Variants in TTC7A observed in about 807,000 individuals in gnomAD.
TTC7A encodes tetratricopeptide repeat domain 7A.
TTC7A carries 110 observed loss-of-function variants against 103.7 expected under a neutral mutation model. The observed-to-expected ratio is 1.06, with a 90% CI of 0.91 to 1.24. TTC7A has a LOEUF of 1.24. Ranked by LOEUF, TTC7A falls within the 50% of genes most tolerant of loss-of-function variation. The pLI, the probability that TTC7A is intolerant of heterozygous loss-of-function variation, is 0.00. For synonymous variants in TTC7A, 521 were observed against 467.9 expected (o/e 1.11, Z -1.47); for missense variants, 1,340 against 1,116.3 (o/e 1.20, Z -2.86).
chr2:46,920,528 A>C (rs1669049168), intron 2 of TTC7A, among the ~76,000 whole-genome samples: 1 of 151,698 alleles, frequency 6.6e-6, no homozygotes, highest in Admixed American at 6.6e-5. Flanking sequence ...ATGGGGTTTC[A>C]CCATGTTGGC....
At chr2:46,976,077 G>T (rs905028790) in intron 4 of TTC7A, among the ~76,000 whole-genome samples, 1 of 151,380 alleles carries the variant, frequency 6.6e-6, no homozygotes, top group African/African-American at 2.4e-5. Flanking sequence ...GCCATGAGGG[G>T]CCCTTGGTTC....
chr2:47,035,331 C>G (rs181478434), intron 15 of TTC7A: 1 of 152,202 alleles, frequency 6.6e-6, no homozygotes, highest in Admixed American at 6.5e-5. Flanking sequence ...GTTTGGCTGC[C>G]ACAGCCCCTG....
intron 4 of TTC7A, among the ~76,000 whole-genome samples, chr2:46,976,416 A>G (rs374952155): frequency 3.3e-5 from 5 of 152,196 alleles, no homozygotes; most frequent in African/African-American, 7.2e-5. Context: ...AACATGTTAG[A>G]TGGAAGGTTC....
chr2:46,941,437 T>C lies in TTC7A; in HGVS notation c.-105T>C. 3 of 1,251,768 alleles carry C rather than the reference T, an allele frequency of 2.4e-6. No homozygotes were observed. Among genetic ancestry groups the C allele is most frequent in the South Asian group, 2.4e-5 (1 of 41,706 alleles). The allele number at this position is 1,251,768 out of a possible 1,614,324, so 77.5% of individuals were successfully genotyped here. The stretch of plus-strand genomic sequence containing the variant: ...TGCCGCCCGGGCCCCGGCTGCCGTC[T>C]GCGCCCCCGTCGACCCCGCCCGCGA... On this transcript the variant is annotated 5_prime_UTR_variant, in exon 1 of 20. Transcript: ENST00000319190. The surrounding 1 kb of genome is among the most constrained non-coding windows in gnomAD (Gnocchi z 4.2).
At chr2:46,973,106 G>A (rs1176424342) in intron 3 of TTC7A, among the ~76,000 whole-genome samples, 1 of 152,116 alleles carries the variant, frequency 6.6e-6, no homozygotes, top group Admixed American at 6.5e-5. Context: ...TGCACCCCGA[G>A]GGGCTCTTTG....
chr2:47,033,264 T>C (rs1680757649), intron 15 of TTC7A, among the ~76,000 whole-genome samples: 1 of 152,116 alleles, frequency 6.6e-6, no homozygotes, highest in African/African-American at 2.4e-5. Flanking sequence ...AAAACCAAAC[T>C]CCCTTTGTCC....
At chr2:47,019,224 T>C (rs1221556005) in intron 11 of TTC7A, among the ~76,000 whole-genome samples, 1 of 152,162 alleles carries the variant, frequency 6.6e-6, no homozygotes, top group Non-Finnish European at 1.5e-5. Flanking sequence ...GCCTGCCTTG[T>C]AGTATGGTAA....
At chr2:47,061,102 G>A in intron 19 of TTC7A, 131 bp downstream of exon 19, 2 of 983,092 alleles carry the variant, frequency 2.0e-6, no homozygotes, top group Admixed American at 5.4e-5. Flanking sequence ...CTGGTGTCTA[G>A]GGGAGGGGGC....
chr2:47,010,646 A>G (rs1677944489), intron 10 of TTC7A, among the ~76,000 whole-genome samples: 1 of 151,904 alleles, frequency 6.6e-6, no homozygotes, highest in African/African-American at 2.4e-5. Flanking sequence ...GCCAGCCTTT[A>G]TACGACCCCC....
chr2:47,034,892 G>A (rs985105162), intron 15 of TTC7A, among the ~76,000 whole-genome samples: 2 of 152,142 alleles, frequency 1.3e-5, no homozygotes, highest in Non-Finnish European at 2.9e-5. Flanking sequence ...TGGGCTTCCC[G>A]ACAAGCCAGA....
intron 2 of TTC7A, among the ~76,000 whole-genome samples, chr2:46,922,617 TC>T (rs1669163219): frequency 6.6e-6 from 1 of 152,140 alleles, no homozygotes; most frequent in Admixed American, 6.5e-5. Context: ...AAATTTTGTT[TC>T]TGGTTCATAT....
In TTC7A at chr2:47,006,713, G is replaced by A; in HGVS notation, c.1276G>A (p.Ala426Thr). Residue 426 changes from alanine (A) to threonine (T), a missense_variant, in exon 10 of 20, where the codon GCT becomes ACT. Transcript: ENST00000319190. ...GTACCAGGTGGCCCTCTCCATGGTG[G>A]CTTGTGGGAAGGTAAGGCCCAGGGG... ...LWYQVALSMV[A>T]CGKSAYAVSL... 6.2e-7 allele frequency: 1 copy of A among 1,613,864 alleles called. No homozygotes were observed. Among genetic ancestry groups the A allele is most frequent in the South Asian group, 1.1e-5 (1 of 91,084 alleles).
At position 46,993,462 on chromosome 2, in the gene TTC7A, G is replaced by T; in HGVS notation, c.777G>T (p.Lys259Asn). 6.2e-7 allele frequency: 1 copy of T among 1,614,228 alleles called. No homozygotes were observed. The highest frequency in any genetic ancestry group is 8.5e-7 in the Non-Finnish European group (1 of 1,180,036). Residue 259 changes from lysine to asparagine, a missense_variant, in exon 6 of 20, where the codon AAG becomes AAT. By Grantham distance (94) the Lys-to-Asn change is moderately conservative. Transcript: ENST00000319190. Reference sequence around the variant, plus strand: ...GTCCTCCCACCAGGAACATCGTGAAGGGCATGAGAGAGCTCCGGGAGGTGC... The same window carrying T: ...GTCCTCCCACCAGGAACATCGTGAATGGCATGAGAGAGCTCCGGGAGGTGC... ...VKNLKKGNIV[K>N]GMRELREVLR...
chr2:46,993,784 A>T (rs936324771), intron 6 of TTC7A, among the ~76,000 whole-genome samples: 1 of 152,124 alleles, frequency 6.6e-6, no homozygotes, highest in African/African-American at 2.4e-5. Context: ...CCCTGGGCAA[A>T]CTGTGTTGAC....
chr2:47,051,645 G>T, intron 17 of TTC7A, 101 bp from the exon 18 acceptor site: 5 of 1,443,392 alleles, frequency 3.5e-6, no homozygotes, highest in Non-Finnish European at 4.6e-6. Flanking sequence ...CCCTGATTCA[G>T]GGTGCCCTGT....
intron 8 of TTC7A, among the ~76,000 whole-genome samples, chr2:46,997,949 G>A (rs1173294531): frequency 6.6e-6 from 1 of 152,152 alleles, no homozygotes; most frequent in Admixed American, 6.5e-5. Context: ...AACATGGCCC[G>A]TGCTTGGAGC....
At chr2:47,052,406 C>T (rs191589107) in intron 18 of TTC7A, among the ~76,000 whole-genome samples, 9 of 152,312 alleles carry the variant, frequency 5.9e-5, no homozygotes, top group Admixed American at 5.9e-4. Flanking sequence ...GTTCTGAAAG[C>T]AGCCCACAGC....
chr2:46,954,298 TC>T (rs1671655050), intron 2 of TTC7A, among the ~76,000 whole-genome samples: 1 of 152,150 alleles, frequency 6.6e-6, no homozygotes, highest in Non-Finnish European at 1.5e-5. Flanking sequence ...AGGGGATTGT[TC>T]CTCTGGTAAA....
At chr2:46,985,240 G>A (rs962226138) in intron 5 of TTC7A, among the ~76,000 whole-genome samples, 1 of 152,102 alleles carries the variant, frequency 6.6e-6, no homozygotes, top group Non-Finnish European at 1.5e-5. Flanking sequence ...TTACAGCCAG[G>A]ATCCTGGCTC....
Sources: gnomAD v4.1 joint callset for allele counts (sites outside exome capture counted in the v4.1 genomes callset) on GRCh38, gnomAD v4.1.1 for gene constraint, Gnocchi (gnomAD v3.1) non-coding constraint, MANE v1.5 for transcripts, NCBI Gene and HGNC (gene_info 2026-07-23, HGNC 2026-07-21) for gene names.